Variants in CSMD1 observed in about 807,000 individuals in gnomAD.
The protein encoded by CSMD1 is CUB and Sushi multiple domains 1, also known as CUB and sushi domain-containing protein 1.
CSMD1 carries 213 observed loss-of-function variants against 417.5 expected under a neutral mutation model. The observed-to-expected ratio is 0.51, with a 90% CI of 0.46 to 0.57. The LOEUF (loss-of-function observed/expected upper bound fraction) is 0.57, where lower values mean the gene tolerates loss of function less well. Ranked by LOEUF, CSMD1 falls within the 20% of genes least tolerant of loss-of-function variation. The pLI is 0.00. For missense variants in CSMD1, 6,923 were observed against 4,529.7 expected (o/e 1.53, Z -15.17); for synonymous variants, 2,862 against 1,736.8 (o/e 1.65, Z -16.11).
At chr8:4,455,029 C>T (rs186272696) in intron 2 of CSMD1, among the ~76,000 whole-genome samples, 24 of 152,166 alleles carry the variant, frequency 1.6e-4, no homozygotes, top group African/African-American at 5.5e-4. Context: ...TGTCAGTCCG[C>T]TGTCATCAAC....
intron 1 of CSMD1, among the ~76,000 whole-genome samples, chr8:4,850,337 C>T (rs1223624645): frequency 7.0e-6 from 1 of 142,018 alleles, no homozygotes; most frequent in Non-Finnish European, 1.5e-5. Flanking sequence ...TCTTAATGGT[C>T]TCTTTGAAGA....
chr8:3,324,440 G>A (rs1806380088), intron 23 of CSMD1, among the ~76,000 whole-genome samples: 3 of 142,140 alleles, frequency 2.1e-5, no homozygotes, highest in African/African-American at 8.0e-5. Context: ...AATCCTCAGA[G>A]ACCCAGGAGT....
At chr8:4,172,714 G>A (rs1030509285) in intron 3 of CSMD1, among the ~76,000 whole-genome samples, 3 of 152,144 alleles carry the variant, frequency 2.0e-5, no homozygotes, top group Admixed American at 2.0e-4. Flanking sequence ...AAAGTGACAG[G>A]ATATCACTTG....
chr8:3,287,930 G>C (rs1374060986), intron 25 of CSMD1, among the ~76,000 whole-genome samples: 1 of 146,018 alleles, frequency 6.8e-6, no homozygotes, highest in Non-Finnish European at 1.5e-5. Flanking sequence ...TATGATATTG[G>C]CTGTGGGTTT....
intron 2 of CSMD1, among the ~76,000 whole-genome samples, chr8:4,456,182 C>G (rs1428659663): frequency 6.6e-6 from 1 of 151,238 alleles, no homozygotes; most frequent in Non-Finnish European, 1.5e-5. Context: ...AAAAGCATGA[C>G]ACAAACTTTA....
At chr8:4,825,712 G>A (rs1178989203) in intron 1 of CSMD1, among the ~76,000 whole-genome samples, 1 of 138,196 alleles carries the variant, frequency 7.2e-6, no homozygotes, top group East Asian at 2.2e-4. Flanking sequence ...GAAAAGATTT[G>A]CAAACCATTT....
At chr8:3,147,298 C>T (rs1818903885) in intron 40 of CSMD1, among the ~76,000 whole-genome samples, 1 of 152,138 alleles carries the variant, frequency 6.6e-6, no homozygotes, top group African/African-American at 2.4e-5. Context: ...TCTCTATTTT[C>T]AACTTCCCAA....
intron 12 of CSMD1, among the ~76,000 whole-genome samples, chr8:3,455,383 G>C (rs1247086377): frequency 6.6e-6 from 1 of 152,186 alleles, no homozygotes; most frequent in Non-Finnish European, 1.5e-5. Context: ...AGGAGGAGAG[G>C]CACTCTGATT....
At chr8:4,548,314 T>C (rs1022144139) in intron 2 of CSMD1, among the ~76,000 whole-genome samples, 1 of 152,196 alleles carries the variant, frequency 6.6e-6, no homozygotes, top group African/African-American at 2.4e-5. Flanking sequence ...TAAGTCTCAT[T>C]TTTATTTTAA....
chr8:3,795,010 A>G (rs1345358781), intron 5 of CSMD1, among the ~76,000 whole-genome samples: 3 of 151,578 alleles, frequency 2.0e-5, no homozygotes, highest in Non-Finnish European at 4.4e-5. Flanking sequence ...AGCTATAAAT[A>G]CATATCTATC....
intron 7 of CSMD1, among the ~76,000 whole-genome samples, chr8:3,678,001 G>A (rs893457231): frequency 6.6e-6 from 1 of 152,112 alleles, no homozygotes; most frequent in Non-Finnish European, 1.5e-5. Context: ...TCCATCTGGG[G>A]TGTCTGCCTA....
chr8:4,502,910 T>G (rs1193318654), intron 2 of CSMD1, among the ~76,000 whole-genome samples: 5 of 152,140 alleles, frequency 3.3e-5, no homozygotes, highest in Admixed American at 3.3e-4. Context: ...TTCCTTCTGG[T>G]GTCTTTTAAA....
chr8:3,627,272 T>C (rs531802606), intron 7 of CSMD1, among the ~76,000 whole-genome samples: 1 of 152,182 alleles, frequency 6.6e-6, no homozygotes, highest in Non-Finnish European at 1.5e-5. Flanking sequence ...CATGCCCATT[T>C]TGAAAATACC....
At chr8:3,244,685 C>T (rs17391551) in intron 26 of CSMD1, among the ~76,000 whole-genome samples, 9,443 of 152,186 alleles carry the variant, frequency 0.062, 419 homozygotes, top group Non-Finnish European at 0.089. Flanking sequence ...AATCTGAGCC[C>T]TTTATCACCC....
At chr8:4,787,738 G>T (rs193021086) in intron 1 of CSMD1, 2 of 1,589,312 alleles carry the variant, frequency 1.3e-6, no homozygotes, top group Non-Finnish European at 1.7e-6. Context: ...GTGGTCTGAG[G>T]AACAGCTGAT....
At chr8:4,286,106 C>A (rs1031933174) in intron 3 of CSMD1, among the ~76,000 whole-genome samples, 2 of 152,010 alleles carry the variant, frequency 1.3e-5, no homozygotes, top group Non-Finnish European at 2.9e-5. Context: ...TTTATGTGAC[C>A]GTTCACGTTA....
At chr8:4,825,521 G>A (rs546301927) in intron 1 of CSMD1, among the ~76,000 whole-genome samples, 2 of 151,874 alleles carry the variant, frequency 1.3e-5, no homozygotes, top group Non-Finnish European at 2.9e-5. Context: ...CTGGCCCCTG[G>A]TAAACACAAT....
Position 3,059,652 on chromosome 8 carries a change from G to A in CSMD1, c.7475-7005C>T, listed in dbSNP as rs796557035. Among the ~76,000 whole-genome samples, 39 of 152,264 alleles carry A rather than the reference G, an allele frequency of 2.6e-4. 1 individual carries two copies. The highest frequency in any genetic ancestry group is 7.7e-4 in the African/African-American group (32 of 41,556). ...TAAAACCCTCTGGTTGCCATCAGGA[G>A]ATGAACGGAGAGAGGGTCCTGAGTG... On this transcript the variant is annotated intron_variant, in intron 49 of 69. Transcript: ENST00000635120.
chr8:3,396,622 C>G (rs1467239600), intron 16 of CSMD1, among the ~76,000 whole-genome samples: 1 of 152,078 alleles, frequency 6.6e-6, no homozygotes, highest in African/African-American at 2.4e-5. Context: ...ATTACAGACA[C>G]AAGAGGAGGC....
Sources: allele counts gnomAD v4.1 joint callset (sites outside exome capture counted in the v4.1 genomes callset), GRCh38; gene constraint gnomAD v4.1.1; transcripts MANE v1.5; gene names NCBI Gene and HGNC (gene_info 2026-07-23, HGNC 2026-07-21).